The following EDN1 variants were observed in gnomAD, a reference collection of about 807,000 sequenced individuals.
EDN1 encodes the protein endothelin-1.
Under a neutral mutation model 21.7 loss-of-function variants are expected in EDN1, and 11 were observed. The observed-to-expected ratio is 0.51, with a 90% CI of 0.32 to 0.84. The LOEUF (loss-of-function observed/expected upper bound fraction) is 0.84. Ranked by LOEUF, EDN1 falls within the 40% of genes least tolerant of loss-of-function variation. The pLI is 0.03. For synonymous variants in EDN1, 85 were observed against 90.6 expected (o/e 0.94, Z 0.35); for missense variants, 244 against 262.3 (o/e 0.93, Z 0.48).
the EDN1 span, among the ~76,000 whole-genome samples, chr6:12,238,407 T>A: frequency 1.4e-4 from 22 of 152,108 alleles, no homozygotes; most frequent in Admixed American, 1.4e-3. Context: ...CCCACTCTAC[T>A]CCCACTCAAG....
chr6:12,248,180 G>A, the EDN1 span, among the ~76,000 whole-genome samples: 1 of 152,180 alleles, frequency 6.6e-6, no homozygotes, highest in African/African-American at 2.4e-5. Flanking sequence ...AGGAGGAAAA[G>A]AGATAGGAAA....
the EDN1 span, among the ~76,000 whole-genome samples, chr6:12,250,455 A>T: frequency 6.6e-6 from 1 of 152,180 alleles, no homozygotes; most frequent in South Asian, 2.1e-4. Flanking sequence ...TGCCAATATT[A>T]TTCAAAATTT....
chr6:12,266,274 A>ATG, the EDN1 span, among the ~76,000 whole-genome samples: 2 of 152,234 alleles, frequency 1.3e-5, no homozygotes, highest in Non-Finnish European at 2.9e-5. Flanking sequence ...TTTAAGGAAT[A>ATG]TGTGTCAAAG....
chr6:12,272,452 C>CT, the EDN1 span, among the ~76,000 whole-genome samples: 12,771 of 106,896 alleles, frequency 0.12, 1,114 homozygotes, highest in Non-Finnish European at 0.16. Context: ...GAGTCATACT[C>CT]TTTTTTTTTT....
At chr6:12,292,195 C>A (rs932504628) in intron 1 of EDN1, 146 bp from the exon 2 acceptor site, 1 of 1,151,268 alleles carries the variant, frequency 8.7e-7, no homozygotes, top group Non-Finnish European at 1.3e-6. Context: ...AAATAAAGAG[C>A]CCTTTTTTCT....
the EDN1 span, among the ~76,000 whole-genome samples, chr6:12,279,372 C>A: frequency 6.6e-5 from 10 of 152,106 alleles, no homozygotes; most frequent in African/African-American, 2.4e-4. Flanking sequence ...CTAAGGCTAA[C>A]CAGAAAACTC....
the EDN1 span, among the ~76,000 whole-genome samples, chr6:12,277,194 G>A: frequency 7.2e-5 from 11 of 152,232 alleles, no homozygotes; most frequent in African/African-American, 2.7e-4. Flanking sequence ...CAAGCATGAG[G>A]TTGTTTGAGC....
the EDN1 span, among the ~76,000 whole-genome samples, chr6:12,242,712 T>C: frequency 6.6e-6 from 1 of 152,130 alleles, no homozygotes; most frequent in Non-Finnish European, 1.5e-5. Flanking sequence ...CTGCTCACCT[T>C]GCCAGGTCCC....
At chr6:12,267,958 C>G in the EDN1 span, among the ~76,000 whole-genome samples, 6 of 152,162 alleles carry the variant, frequency 3.9e-5, no homozygotes, top group African/African-American at 1.4e-4. Flanking sequence ...TCTTGTGCCA[C>G]ATAAATGGAA....
At chr6:12,281,834 C>CT in the EDN1 span, among the ~76,000 whole-genome samples, 7 of 152,122 alleles carry the variant, frequency 4.6e-5, no homozygotes, top group Non-Finnish European at 7.4e-5. Flanking sequence ...GATCGAAGCC[C>CT]TTGAAACATC....
the EDN1 span, among the ~76,000 whole-genome samples, chr6:12,246,939 T>C: frequency 6.6e-6 from 1 of 152,252 alleles, no homozygotes; most frequent in Non-Finnish European, 1.5e-5. Flanking sequence ...ATTGAACATA[T>C]GTACTTACTT....
At chr6:12,287,654 C>G (rs1762575805), upstream of EDN1, among the ~76,000 whole-genome samples, 1 of 151,454 alleles carries the variant, frequency 6.6e-6, no homozygotes. Context: ...GAAATTCTCT[C>G]TCTCTCTTCT....
the EDN1 span, among the ~76,000 whole-genome samples, chr6:12,242,295 G>C: frequency 6.6e-3 from 998 of 152,290 alleles, 4 homozygotes; most frequent in Middle Eastern, 0.037. Context: ...AAAAGTGGTA[G>C]AGAGATTTGA....
upstream of EDN1, among the ~76,000 whole-genome samples, chr6:12,287,712 T>TCTCACACACACACA (rs1380647005): frequency 2.9e-5 from 3 of 103,050 alleles, no homozygotes; most frequent in Admixed American, 1.0e-4. Context: ...TCTCTCTCTC[T>TCTCACACACACACA]CACACACACA....
At chr6:12,240,286 G>C in the EDN1 span, among the ~76,000 whole-genome samples, 7 of 152,228 alleles carry the variant, frequency 4.6e-5, no homozygotes, top group African/African-American at 1.7e-4. Context: ...ATTTCCTAAA[G>C]GGAGAGAAAA....
chr6:12,257,342 A>C, the EDN1 span, among the ~76,000 whole-genome samples: 428 of 152,312 alleles, frequency 2.8e-3, 2 homozygotes, highest in African/African-American at 0.01. Context: ...TTATTGACAA[A>C]CTAAATGTGC....
the EDN1 span, among the ~76,000 whole-genome samples, chr6:12,284,668 G>GAGAAAGAA: frequency 7.3e-5 from 10 of 137,680 alleles, no homozygotes; most frequent in East Asian, 1.4e-3. Context: ...AAGAAAAAGA[G>GAGAAAGAA]AGAAAGAAAG....
At chr6:12,247,536 CT>C in the EDN1 span, among the ~76,000 whole-genome samples, 19,871 of 95,136 alleles carry the variant, frequency 0.21, 1,389 homozygotes, top group African/African-American at 0.38. Flanking sequence ...TTCTTTCTTT[CT>C]TTTTTTTTTT....
intron 1 of EDN1, among the ~76,000 whole-genome samples, chr6:12,291,227 C>G (rs548079459): frequency 2.8e-4 from 30 of 105,514 alleles, no homozygotes; most frequent in African/African-American, 5.7e-4. Flanking sequence ...TCCCCCCCCC[C>G]CCGCCACCAC....
Sources: allele counts gnomAD v4.1 joint callset (sites outside exome capture counted in the v4.1 genomes callset), GRCh38; gene constraint gnomAD v4.1.1; transcripts MANE v1.5; gene names NCBI Gene and HGNC (gene_info 2026-07-23, HGNC 2026-07-21).